MINDY4: variants seen among roughly 807,000 people sequenced by gnomAD.
MINDY4 encodes probable ubiquitin carboxyl-terminal hydrolase MINDY-4.
A neutral mutation model predicts 87.0 loss-of-function variants in MINDY4; 68 were observed. The ratio of observed to expected loss-of-function variants is 0.78; its 90% CI spans 0.64 to 0.96. The LOEUF is 0.96. MINDY4 is among the 40% of genes least tolerant of loss of function. The pLI is 0.00. For synonymous variants in MINDY4, 379 were observed against 363.2 expected (o/e 1.04, Z -0.50); for missense variants, 919 against 928.2 (o/e 0.99, Z 0.13).
chr7:30,878,339 A>C (rs1270993154), intron 15 of MINDY4, among the ~76,000 whole-genome samples: 1 of 152,112 alleles, frequency 6.6e-6, no homozygotes, highest in East Asian at 1.9e-4. Context: ...AAAGTGAGCT[A>C]CCCAGATGAC....
intron 14 of MINDY4, among the ~76,000 whole-genome samples, 187 bp downstream of exon 14, chr7:30,872,493 A>G (rs1285873050): frequency 1.3e-5 from 2 of 149,602 alleles, no homozygotes; most frequent in African/African-American, 5.1e-5. Context: ...AGACCCAGAA[A>G]GAGAGCTCAG....
chr7:30,800,938 C>G (rs151018937), intron 5 of MINDY4, among the ~76,000 whole-genome samples: 1 of 152,186 alleles, frequency 6.6e-6, no homozygotes, highest in African/African-American at 2.4e-5. Context: ...GATTTAGTCT[C>G]GTTGCCCTTG....
chr7:30,810,125 G>A lies in MINDY4; in HGVS notation c.1073+18551G>A, dbSNP rs577415617. On this transcript the variant is annotated intron_variant, in intron 5 of 17. Transcript: ENST00000265299. ...TGGGAGGCGGAGGTTGTGGCGAGCC[G>A]AGATTGCGCCACACACTCCAGCCTG... Among the ~76,000 whole-genome samples, 14 of 135,516 alleles carry A rather than the reference G, an allele frequency of 1.0e-4. No homozygotes were observed. The East Asian group carries it at 2.2e-3, about 21-fold the overall frequency. 88.9% of individuals were successfully genotyped at this position (135,516 alleles called of 152,430 possible). A position where few individuals can be genotyped will look rare whatever the true frequency, so the allele number is the denominator to read the frequency against.
At chr7:30,842,111 T>C (rs372589175) in intron 9 of MINDY4, among the ~76,000 whole-genome samples, 90 of 152,326 alleles carry the variant, frequency 5.9e-4, no homozygotes, top group African/African-American at 2.0e-3. Context: ...CATCTTAAAA[T>C]TTTTTCCAAT....
intron 5 of MINDY4, among the ~76,000 whole-genome samples, chr7:30,792,044 C>T (rs528263100): frequency 5.5e-4 from 83 of 152,278 alleles, no homozygotes; most frequent in African/African-American, 1.8e-3. Context: ...GCCAGGCAGA[C>T]GTGGCTAAGA....
At chr7:30,879,568 G>A (rs1790394997) in intron 15 of MINDY4, among the ~76,000 whole-genome samples, 1 of 152,088 alleles carries the variant, frequency 6.6e-6, no homozygotes, top group South Asian at 2.1e-4. Context: ...ACTCTCTCCC[G>A]CAGGCTGGGG....
intron 9 of MINDY4, 67 bp downstream of exon 9, chr7:30,840,915 C>G: frequency 7.1e-7 from 1 of 1,411,060 alleles, no homozygotes; most frequent in South Asian, 1.2e-5. Flanking sequence ...CCAGAAAAAA[C>G]AAGCAAGGAA....
chr7:30,785,883 T>G lies in MINDY4; in HGVS notation c.554T>G (p.Leu185Arg), dbSNP rs764203674. The G allele has an allele frequency of 4.2e-5, 68 of 1,614,102 alleles. No individual in the cohort carries two copies. Among genetic ancestry groups the G allele is most frequent in the African/African-American group, 5.3e-5 (4 of 74,934 alleles). The change falls in exon 4 of 18, where the codon CTT becomes CGT. Residue 185 changes from leucine (L) to arginine (R), a missense_variant. By Grantham distance (102) the Leu-to-Arg change is moderately radical. Coordinates refer to ENST00000265299, the MANE Select transcript of MINDY4 (RefSeq NM_032222.3). ...TCTGCATGGGAGAAGATAGACAAGCTTCACTCGGAGCCTTCCTTGGATGTG... is the reference window on the plus strand; with the variant it reads ...TCTGCATGGGAGAAGATAGACAAGCGTCACTCGGAGCCTTCCTTGGATGTG... ...LTSAWEKIDK[L>R]HSEPSLDVKR...
chr7:30,853,120 G>A (rs1380115526), intron 11 of MINDY4, among the ~76,000 whole-genome samples: 2 of 152,176 alleles, frequency 1.3e-5, no homozygotes, highest in Non-Finnish European at 2.9e-5. Context: ...TCCCCTGTTG[G>A]GGCCACACAG....
At chr7:30,783,881 C>A (rs907798742) in intron 3 of MINDY4, among the ~76,000 whole-genome samples, 1 of 152,136 alleles carries the variant, frequency 6.6e-6, no homozygotes, top group East Asian at 1.9e-4. Flanking sequence ...AAAATAAGCT[C>A]TTTTAAAAAT....
intron 5 of MINDY4, among the ~76,000 whole-genome samples, chr7:30,801,841 A>G (rs183747927): frequency 5.3e-5 from 8 of 152,298 alleles, no homozygotes; most frequent in Admixed American, 5.2e-4. Context: ...AAGAAGTGAG[A>G]GAGTGGCCAC....
intron 15 of MINDY4, among the ~76,000 whole-genome samples, chr7:30,878,426 G>T (rs141459059): frequency 6.6e-6 from 1 of 152,128 alleles, no homozygotes; most frequent in African/African-American, 2.4e-5. Context: ...TAAGTAACTG[G>T]TCCGGCCTGG....
chr7:30,783,133 T>TA (rs1212099751), intron 3 of MINDY4, among the ~76,000 whole-genome samples: 1 of 152,190 alleles, frequency 6.6e-6, no homozygotes, highest in African/African-American at 2.4e-5. Context: ...GGCAAGGTGT[T>TA]AGCAGGCCTG....
intron 15 of MINDY4, among the ~76,000 whole-genome samples, chr7:30,876,368 A>G (rs1790257620): frequency 6.6e-6 from 1 of 152,182 alleles, no homozygotes; most frequent in African/African-American, 2.4e-5. Flanking sequence ...TATGCCTGCA[A>G]CAACCCTGTG....
At chr7:30,812,610 T>C (rs1363402471) in intron 5 of MINDY4, among the ~76,000 whole-genome samples, 1 of 152,162 alleles carries the variant, frequency 6.6e-6, no homozygotes, top group Non-Finnish European at 1.5e-5. Context: ...ATGAATTTCT[T>C]GTTACATGGG....
intron 4 of MINDY4, 117 bp from the exon 5 acceptor site, chr7:30,791,048 G>A: frequency 9.7e-7 from 1 of 1,030,810 alleles, no homozygotes; most frequent in Non-Finnish European, 1.4e-6. Context: ...AGAGTCCGAG[G>A]TGGGAAAAGA....
intron 5 of MINDY4, chr7:30,803,385 CCTTAA>C (rs1584255840): frequency 6.6e-6 from 1 of 152,164 alleles, no homozygotes; most frequent in East Asian, 1.9e-4. Flanking sequence ...TGAGGTCTTT[CCTTAA>C]CTTAAGAAGT....
At chr7:30,863,212 A>G (rs1412569488) in intron 13 of MINDY4, among the ~76,000 whole-genome samples, 1 of 152,232 alleles carries the variant, frequency 6.6e-6, no homozygotes, top group African/African-American at 2.4e-5. Flanking sequence ...TGGGCAATTG[A>G]AAACATGTCC....
intron 13 of MINDY4, among the ~76,000 whole-genome samples, chr7:30,871,190 C>T (rs1790097378): frequency 6.6e-6 from 1 of 152,204 alleles, no homozygotes. Context: ...ACCCAGGCTC[C>T]CTGGTCTCAC....
Sources: allele counts gnomAD v4.1 joint callset (sites outside exome capture counted in the v4.1 genomes callset), GRCh38; gene constraint gnomAD v4.1.1; transcripts MANE v1.5; gene names NCBI Gene and HGNC (gene_info 2026-07-23, HGNC 2026-07-21).